Variants in GGA2 observed in about 807,000 individuals in gnomAD.
The protein encoded by GGA2 is golgi associated, gamma adaptin ear containing, ARF binding protein 2, also known as ADP-ribosylation factor-binding protein GGA2.
GGA2 carries 48 observed loss-of-function variants against 79.5 expected under a neutral mutation model. That is an observed-to-expected ratio of 0.60 (90% CI 0.48 to 0.77). The LOEUF (loss-of-function observed/expected upper bound fraction) is 0.77, where lower values mean the gene tolerates loss of function less well. Ranked by LOEUF, GGA2 falls within the 30% of genes least tolerant of loss-of-function variation. The probability of loss-of-function intolerance (pLI) is 0.00; values close to 1 mark genes in which losing one functional copy is unlikely to be tolerated. For missense variants in GGA2, 770 were observed against 774.0 expected, an observed-to-expected ratio of 0.99 and a Z score of 0.06; for synonymous variants, 317 against 302.0, an observed-to-expected ratio of 1.05 and a Z score of -0.51.
chr16:23,470,045 G>A lies in GGA2; in HGVS notation c.1571C>T (p.Thr524Met), dbSNP rs756592274. The change falls in exon 15 of 17, where the codon ACG becomes ATG. Residue 524 changes from threonine to methionine, a missense_variant. By Grantham distance (81) the Thr-to-Met change is moderately conservative. Coordinates refer to ENST00000309859, the MANE Select transcript of GGA2 (RefSeq NM_015044.4). Reference sequence around the variant, plus strand: ...GATATCCCAGACAGGCTGGGGAGCCGTGCTCATCATGGTCAAGAGCAGCAC... The same window carrying A: ...GATATCCCAGACAGGCTGGGGAGCCATGCTCATCATGGTCAAGAGCAGCAC... ...VQVLLLTMMS[T>M]APQPVWDIMF... 63 of 1,602,392 alleles carry A rather than the reference G, an allele frequency of 3.9e-5. No homozygotes were observed. In the East Asian group the frequency reaches 4.1e-4, roughly 10 times the overall value.
intron 1 of GGA2, among the ~76,000 whole-genome samples, chr16:23,503,939 G>A (rs1471062856): frequency 2.0e-5 from 3 of 152,250 alleles, no homozygotes; most frequent in African/African-American, 4.8e-5. Context: ...AAATTAGCCA[G>A]GTATGGTGCT....
chr16:23,493,608 A>G, intron 3 of GGA2, 150 bp from the exon 4 acceptor site: 2 of 613,490 alleles, frequency 3.3e-6, no homozygotes, highest in Non-Finnish European at 5.8e-6. Context: ...GATGAAGAGG[A>G]CGTTTTCAGA....
At position 23,491,775 on chromosome 16, in the gene GGA2, T is replaced by C. The variant is rs770357700; in HGVS notation, c.377A>G (p.Lys126Arg). The change falls in exon 5 of 17, where the codon AAA becomes AGA. Residue 126 changes from lysine to arginine, a missense_variant. Physicochemically the swap from Lys to Arg is conservative, Grantham distance 26. Transcript: ENST00000309859. ...TATTTCAATGACTCTTCCTTTAACT[T>C]TTCCTGTGGCCCAGGACCCCAGGTA... The part of the protein sequence containing the change: ...PKYLGSWATG[K>R]VKGRVIEILF... 3.1e-6 allele frequency: 5 copies of C among 1,612,540 alleles called. No homozygotes were observed. The South Asian group carries it at 4.4e-5, about 14-fold the overall frequency.
chr16:23,487,508 G>A (rs1964730349), intron 6 of GGA2, among the ~76,000 whole-genome samples: 1 of 152,162 alleles, frequency 6.6e-6, no homozygotes, highest in African/African-American at 2.4e-5. Flanking sequence ...CCTGGACCAT[G>A]TGCTTTATGA....
At chr16:23,513,783 C>CAAAAAAAA (rs754377361), upstream of GGA2, among the ~76,000 whole-genome samples, 2 of 47,162 alleles carry the variant, frequency 4.2e-5, no homozygotes, top group Admixed American at 2.0e-4. Flanking sequence ...GACTCTGTCT[C>CAAAAAAAA]AAAAAAAAAA....
chr16:23,491,083 G>C (rs1490588238), intron 5 of GGA2, among the ~76,000 whole-genome samples: 1 of 152,030 alleles, frequency 6.6e-6, no homozygotes, highest in South Asian at 2.1e-4. Context: ...CAGAGACAGA[G>C]AGAGAGGAAG....
intron 1 of GGA2, among the ~76,000 whole-genome samples, chr16:23,500,648 A>G (rs1048288561): frequency 7.2e-5 from 11 of 152,382 alleles, no homozygotes; most frequent in Non-Finnish European, 1.3e-4. Context: ...CTGCTCCCCA[A>G]TGCCAGCCCC....
At chr16:23,509,525 G>A (rs1326284747) in intron 1 of GGA2, among the ~76,000 whole-genome samples, 1 of 152,130 alleles carries the variant, frequency 6.6e-6, no homozygotes, top group South Asian at 2.1e-4. Flanking sequence ...CCTGTGTTAT[G>A]CATCTCAGTG....
At chr16:23,491,529 G>GT (rs1964787119) in intron 5 of GGA2, 148 bp downstream of exon 5, 2 of 412,162 alleles carry the variant, frequency 4.9e-6, no homozygotes, top group African/African-American at 6.8e-5. Context: ...GATTTATTGC[G>GT]TAAAAAAAAA....
At chr16:23,494,854 G>A (rs1374355544) in intron 2 of GGA2, among the ~76,000 whole-genome samples, 2 of 152,228 alleles carry the variant, frequency 1.3e-5, no homozygotes, top group African/African-American at 4.8e-5. Flanking sequence ...GGTCAGGGCA[G>A]GTGGATCACC....
In GGA2 at chr16:23,491,804, A is replaced by T. The variant is rs376930163; in HGVS notation, c.352-4T>A. 1 of 1,603,846 alleles carries T rather than the reference A, an allele frequency of 6.2e-7. No homozygotes were observed. Among genetic ancestry groups the T allele is most frequent in the African/African-American group, 1.3e-5 (1 of 74,786 alleles). The stretch of plus-strand genomic sequence containing the variant: ...CTGTGGCCCAGGACCCCAGGTACTG[A>T]AAGTAAAAAGGAAAGAGAATTCTAG... On this transcript the variant is annotated splice_region_variant and splice_polypyrimidine_tract_variant and intron_variant, in intron 4 of 16. Coordinates refer to ENST00000309859, the MANE Select transcript of GGA2 (RefSeq NM_015044.4).
At chr16:23,510,749 C>T (rs1440754501), upstream of GGA2, among the ~76,000 whole-genome samples, 1 of 152,260 alleles carries the variant, frequency 6.6e-6, no homozygotes, top group Non-Finnish European at 1.5e-5. Context: ...CTCTGTCACT[C>T]AGGCTGGAGT....
intron 13 of GGA2, among the ~76,000 whole-genome samples, chr16:23,476,396 G>A (rs1964577129): frequency 6.6e-6 from 1 of 152,154 alleles, no homozygotes; most frequent in South Asian, 2.1e-4. Context: ...CAAAGGGACA[G>A]GATCTATGAA....
chr16:23,465,317 G>A lies in GGA2; in HGVS notation c.*2273C>T. On this transcript the variant is annotated 3_prime_UTR_variant, in exon 17 of 17. Transcript: ENST00000309859. ...ACTTGTTAAGTGAATGAAGAGGTAG[G>A]AGCTGGGCTCTAAGTGGCCACTGGA... is the stretch of plus-strand genomic sequence containing the variant. 1.4e-6 allele frequency: 1 copy of A among 702,724 alleles called. No homozygotes were observed. Among genetic ancestry groups the A allele is most frequent in the Non-Finnish European group, 2.6e-6 (1 of 384,786 alleles). 43.5% of individuals were successfully genotyped at this position (702,724 alleles called of 1,614,324 possible).
chr16:23,491,716 T>C lies in GGA2; in HGVS notation c.436A>G (p.Ile146Val), dbSNP rs375715093. The C allele has an allele frequency of 2.1e-5, 34 of 1,612,860 alleles. No homozygotes were observed. Among genetic ancestry groups the C allele is most frequent in the Non-Finnish European group, 2.8e-5 (33 of 1,178,972 alleles). Residue 146 changes from isoleucine to valine, a missense_variant, in exon 5 of 17, where the codon ATC (isoleucine) becomes GTC (valine). Transcript: ENST00000309859. ...FSWTVWFPED[I>V]KIRDAYQMLK... ...ATCTGATAAGCGTCTCGAATCTTGA[T>C]GTCTTCCGGAAACCAGACTGTCCAA...
chr16:23,493,265 A>G lies in GGA2; in HGVS notation c.351+95T>C. 1.2e-5 allele frequency: 9 copies of G among 773,456 alleles called. No homozygotes were observed. The South Asian group carries it at 1.3e-4, about 11-fold the overall frequency. 47.9% of individuals were successfully genotyped at this position (773,456 alleles called of 1,614,324 possible). A position where few individuals can be genotyped will look rare whatever the true frequency, so the allele number is the denominator to read the frequency against. ...TCACAGGCAGGAGCAGGTTTTGTCC[A>G]TGCGTGGGCCTGCCTCTGGCCTGAG... On this transcript the variant is annotated intron_variant, in intron 4 of 16. Transcript: ENST00000309859.
At chr16:23,498,054 T>C (rs1964877827) in intron 1 of GGA2, among the ~76,000 whole-genome samples, 1 of 151,520 alleles carries the variant, frequency 6.6e-6, no homozygotes, top group African/African-American at 2.4e-5. Flanking sequence ...CCGAGGAGGG[T>C]GGATTGCCTG....
upstream of GGA2, among the ~76,000 whole-genome samples, chr16:23,511,016 CGTGT>C (rs145140640): frequency 5.9e-4 from 17 of 28,854 alleles, no homozygotes; most frequent in East Asian, 1.6e-3. Context: ...TGGGTTTCAC[CGTGT>C]GTGTGTGTGT....
At chr16:23,514,049 G>A (rs1331403260), upstream of GGA2, among the ~76,000 whole-genome samples, 2 of 151,896 alleles carry the variant, frequency 1.3e-5, no homozygotes, top group African/African-American at 4.8e-5. Flanking sequence ...AAATATAAAA[G>A]TAGACAGCCT....
Sources: gnomAD v4.1 joint callset for allele counts (sites outside exome capture counted in the v4.1 genomes callset) on GRCh38, gnomAD v4.1.1 for gene constraint, MANE v1.5 for transcripts, NCBI Gene and HGNC (gene_info 2026-07-23, HGNC 2026-07-21) for gene names.